ARHGAP23: variants seen among roughly 807,000 people sequenced by gnomAD.
The protein encoded by ARHGAP23 is rho GTPase-activating protein 23.
ARHGAP23 carries 34 observed loss-of-function variants against 136.3 expected under a neutral mutation model. The observed-to-expected ratio is 0.25, with a 90% CI of 0.19 to 0.33. ARHGAP23 has a LOEUF of 0.33. ARHGAP23 is among the 10% of genes least tolerant of loss of function. The probability of loss-of-function intolerance (pLI) is 1.00; values close to 1 mark genes in which losing one functional copy is unlikely to be tolerated. For missense variants in ARHGAP23, 1,808 were observed against 2,139.0 expected (o/e 0.85, Z 3.05); for synonymous variants, 832 against 920.5 (o/e 0.90, Z 1.74).
chr17:38,467,503 C>A (rs2039639645), intron 7 of ARHGAP23, among the ~76,000 whole-genome samples, 172 bp downstream of exon 7: 1 of 152,194 alleles, frequency 6.6e-6, no homozygotes, highest in Non-Finnish European at 1.5e-5. Flanking sequence ...ATCTGTTCTT[C>A]CATCTTTCTT....
At chr17:38,458,007 G>A in intron 1 of ARHGAP23, 95 bp from the exon 2 acceptor site, 1 of 1,443,420 alleles carries the variant, frequency 6.9e-7, no homozygotes, top group Non-Finnish European at 9.3e-7. Flanking sequence ...ACCCCTTCTG[G>A]TGCCCCTCCG....
rs779052973 is a variant in ARHGAP23 at position 38,466,477 on chromosome 17, G to C, written c.794G>C (p.Arg265Pro). The change falls in exon 7 of 24, where the codon CGG becomes CCG. Residue 265 changes from arginine to proline, a missense_variant. Physicochemically the swap from Arg to Pro is moderately radical, Grantham distance 103. Transcript: ENST00000622683. ...GAFPHLSSEPRTPRAFPEPGS... is the reference protein window; with the variant it reads ...GAFPHLSSEPPTPRAFPEPGS... ...TTCCCCCACCTCTCCTCGGAGCCCC[G>C]GACGCCCCGTGCCTTCCCAGAGCCT... 231 of 1,516,948 alleles carry C rather than the reference G, an allele frequency of 1.5e-4. 1 individual carries two copies. The highest frequency in any genetic ancestry group is 3.0e-5 in the Non-Finnish European group (34 of 1,135,230). The allele number at this position is 1,516,948 out of a possible 1,614,324, so 94.0% of individuals were successfully genotyped here. A position where few individuals can be genotyped will look rare whatever the true frequency, so the allele number is the denominator to read the frequency against.
intron 1 of ARHGAP23, chr17:38,451,828 C>G (rs1393667537): frequency 6.5e-6 from 1 of 152,696 alleles, no homozygotes; most frequent in Non-Finnish European, 1.5e-5. Context: ...CCTTAGTTTT[C>G]TAGCGATGGA....
intron 1 of ARHGAP23, among the ~76,000 whole-genome samples, chr17:38,432,828 CA>C (rs1353103553): frequency 4.6e-5 from 7 of 152,144 alleles, no homozygotes; most frequent in African/African-American, 1.7e-4. Context: ...GACCCTGTCT[CA>C]AAAAACCAAA....
intron 13 of ARHGAP23, 100 bp downstream of exon 13, chr17:38,479,597 T>G: frequency 6.9e-7 from 1 of 1,445,716 alleles, no homozygotes. Context: ...TGCCCTCTGC[T>G]GGGGGAAGGG....
At chr17:38,457,843 G>A in intron 1 of ARHGAP23, 2 of 571,546 alleles carry the variant, frequency 3.5e-6, no homozygotes, top group African/African-American at 1.9e-5. Context: ...ACTTGCTTCA[G>A]TGAGTTATTT....
At position 38,460,887 on chromosome 17, in the gene ARHGAP23, C is replaced by T; in HGVS notation, c.226-18C>T. ...AGGGCTGGACTGACGCCCACACCCA[C>T]TCCTCTGTTCCCTGCAGGAGGAAGA... On this transcript the variant is annotated intron_variant, in intron 2 of 23. Transcript: ENST00000622683. 6.5e-7 allele frequency: 1 copy of T among 1,536,096 alleles called. No homozygotes were observed.
At chr17:38,440,028 G>A (rs1222942002) in intron 1 of ARHGAP23, among the ~76,000 whole-genome samples, 1 of 137,694 alleles carries the variant, frequency 7.3e-6, no homozygotes, top group Non-Finnish European at 1.6e-5. Context: ...GAGCCCAGTC[G>A]GAACTTTTTT....
chr17:38,475,047 C>T (rs2039860315), intron 11 of ARHGAP23, among the ~76,000 whole-genome samples: 2 of 152,220 alleles, frequency 1.3e-5, no homozygotes, highest in East Asian at 3.8e-4. Flanking sequence ...AGGACCAGGC[C>T]TCCACTCCCT....
Position 38,458,080 on chromosome 17 carries a change from C to G in ARHGAP23, c.64-22C>G, listed in dbSNP as rs746554578. The G allele has an allele frequency of 2.6e-6, 4 of 1,535,626 alleles. No individual in the cohort carries two copies. In the East Asian group the frequency reaches 9.8e-5, roughly 38 times the overall value. On this transcript the variant is annotated intron_variant, in intron 1 of 23. Coordinates refer to ENST00000622683, the MANE Select transcript of ARHGAP23 (RefSeq NM_001199417.2). ...AGTGTCAGCCACACGGGCGCTCAGC[C>G]TGGCCTCTCTGTCTCCCACAGCTGC...
chr17:38,479,266 G>A (rs2144706089), intron 12 of ARHGAP23, among the ~76,000 whole-genome samples, 170 bp from the exon 13 acceptor site: 1 of 152,234 alleles, frequency 6.6e-6, no homozygotes, highest in South Asian at 2.1e-4. Flanking sequence ...CTTCCCCAAG[G>A]CCTCAGCTGG....
At chr17:38,427,872 T>C (rs1019336746), upstream of ARHGAP23, among the ~76,000 whole-genome samples, 13 of 152,258 alleles carry the variant, frequency 8.5e-5, no homozygotes, top group East Asian at 2.3e-3. Context: ...AAATCTTCCC[T>C]TGTGTCTCAA....
chr17:38,428,330 C>CGCGGGGTGGGTGGTGGGAAGGGGGAGGG, upstream of ARHGAP23: 1 of 238,866 alleles, frequency 4.2e-6, no homozygotes, highest in African/African-American at 2.9e-5. Context: ...CAGAAGGGAG[C>CGCGGGGTGGGTGGTGGGAAGGGGGAGGG]GCGGGGTGGG....
chr17:38,510,987 G>A lies in ARHGAP23; in HGVS notation c.*15G>A. 1 of 1,411,034 alleles carries A rather than the reference G, an allele frequency of 7.1e-7. No individual in the cohort carries two copies. The highest frequency in any genetic ancestry group is 3.5e-5 in the Admixed American group (1 of 28,342). 87.4% of individuals were successfully genotyped at this position (1,411,034 alleles called of 1,614,324 possible). On this transcript the variant is annotated 3_prime_UTR_variant, in exon 24 of 24. Coordinates refer to ENST00000622683, the MANE Select transcript of ARHGAP23 (RefSeq NM_001199417.2). This position sits in a 1 kb window ranked among gnomAD's most constrained non-coding sequence, Gnocchi z 4.6. ...AGTGTCTGTGATCCCCACCTCCCGC[G>A]CCGCTCGGGCGCCACCCCTCCCTAG... is the stretch of plus-strand genomic sequence containing the variant.
intron 1 of ARHGAP23, among the ~76,000 whole-genome samples, chr17:38,420,244 A>G (rs1597726921): frequency 6.6e-6 from 1 of 152,278 alleles, no homozygotes; most frequent in East Asian, 1.9e-4. Context: ...CTGATCTAAG[A>G]GAAGCCAGCA....
chr17:38,487,720 T>C (rs1283571502), intron 17 of ARHGAP23, among the ~76,000 whole-genome samples: 2 of 151,666 alleles, frequency 1.3e-5, no homozygotes, highest in Non-Finnish European at 2.9e-5. Flanking sequence ...AAAAATTAGC[T>C]GGATGTGGTG....
At chr17:38,446,678 C>T (rs2039042688) in intron 1 of ARHGAP23, among the ~76,000 whole-genome samples, 1 of 150,314 alleles carries the variant, frequency 6.7e-6, no homozygotes, top group Non-Finnish European at 1.5e-5. Context: ...ACGGCGCGCT[C>T]TTGGCTCACT....
In ARHGAP23 at chr17:38,469,222, C is replaced by T; in HGVS notation, c.1727C>T (p.Ser576Leu). Residue 576 changes from serine to leucine, a missense_variant, in exon 8 of 24, where the codon TCA becomes TTA. By Grantham distance (145) the Ser-to-Leu change is moderately radical. This residue lies in a region of ARHGAP23 where 859 missense variants were observed against 936.4 expected (regional missense o/e 0.92). Transcript: ENST00000622683. Reference protein sequence around the residue: ...ASAVVSSAMNSAPVLGTSPSS... With the variant: ...ASAVVSSAMNLAPVLGTSPSS... ...GCTGTGGTCTCCAGTGCCATGAACT[C>T]AGCCCCTGTCCTGGGCACCAGCCCA... is the stretch of plus-strand genomic sequence containing the variant. The T allele has an allele frequency of 1.9e-6, 3 of 1,551,678 alleles. No homozygotes were observed. Among genetic ancestry groups the T allele is most frequent in the African/African-American group, 1.4e-5 (1 of 73,164 alleles).
intron 22 of ARHGAP23, chr17:38,500,361 A>G (rs1234364403): frequency 1.8e-5 from 10 of 558,636 alleles, no homozygotes; most frequent in Non-Finnish European, 3.2e-5. Flanking sequence ...AGTGGCTGGC[A>G]GCCTGATGTC....
Sources: gnomAD v4.1 joint callset for allele counts (sites outside exome capture counted in the v4.1 genomes callset) on GRCh38, gnomAD v4.1.1 for gene constraint, gnomAD v4.1.1 regional missense constraint, Gnocchi (gnomAD v3.1) non-coding constraint, MANE v1.5 for transcripts, NCBI Gene and HGNC (gene_info 2026-07-23, HGNC 2026-07-21) for gene names.